SEM1: variants seen among roughly 807,000 people sequenced by gnomAD.
SEM1 encodes the protein 26S proteasome complex subunit SEM1.
In SEM1, 3 loss-of-function variants were observed where a neutral mutation model predicts 12.7. The ratio of observed to expected loss-of-function variants is 0.24; its 90% confidence interval spans 0.11 to 0.61. The LOEUF (loss-of-function observed/expected upper bound fraction) is 0.61, where lower values mean the gene tolerates loss of function less well. Among genes scored for constraint, SEM1 ranks in the 20% least tolerant of loss-of-function variants. The probability of loss-of-function intolerance (pLI) is 0.88; values close to 1 mark genes in which losing one functional copy is unlikely to be tolerated. For missense variants in SEM1, 59 were observed against 81.3 expected (o/e 0.73, Z 1.06); for synonymous variants, 30 against 27.8 (o/e 1.08, Z -0.25).
chr7:96,658,714 ATCT>A (rs1809266044), intron 2 of SEM1, among the ~76,000 whole-genome samples: 1 of 152,176 alleles, frequency 6.6e-6, no homozygotes, highest in African/African-American at 2.4e-5. Context: ...GACTTCTGCA[ATCT>A]TTGGGGCTAC....
chr7:96,687,506 C>A (rs1408448833), downstream of SEM1, among the ~76,000 whole-genome samples: 31 of 151,884 alleles, frequency 2.0e-4, 1 homozygote, highest in Non-Finnish European at 2.9e-5. Context: ...AATTGGAAAT[C>A]ATCATTCTCA....
chr7:96,497,680 C>A (rs1205332109), upstream of SEM1, among the ~76,000 whole-genome samples: 2 of 152,118 alleles, frequency 1.3e-5, no homozygotes, highest in African/African-American at 4.8e-5. Context: ...AACTGGAAAA[C>A]TGGACAAAAA....
intron 2 of SEM1, among the ~76,000 whole-genome samples, chr7:96,690,832 G>T (rs1242908022): frequency 6.6e-6 from 1 of 152,088 alleles, no homozygotes; most frequent in Non-Finnish European, 1.5e-5. Flanking sequence ...GTGCAGTGGT[G>T]CCATCTCGGC....
At chr7:96,686,805 A>T (rs1039755215), downstream of SEM1, among the ~76,000 whole-genome samples, 4 of 152,222 alleles carry the variant, frequency 2.6e-5, no homozygotes, top group Non-Finnish European at 4.4e-5. Context: ...AATTAAACTA[A>T]AGAGCTTCTG....
At chr7:96,607,660 C>T (rs945129289) in intron 2 of SEM1, among the ~76,000 whole-genome samples, 27 of 152,172 alleles carry the variant, frequency 1.8e-4, no homozygotes, top group East Asian at 3.9e-4. Flanking sequence ...CAGCTGCCCA[C>T]AATTGGGCCC....
At chr7:96,661,167 G>A (rs1788989280) in intron 2 of SEM1, among the ~76,000 whole-genome samples, 1 of 152,146 alleles carries the variant, frequency 6.6e-6, no homozygotes, top group Non-Finnish European at 1.5e-5. Flanking sequence ...GTAAATAGCA[G>A]GATTCACACC....
chr7:96,552,366 G>A (rs1805310882), intron 2 of SEM1, among the ~76,000 whole-genome samples: 1 of 151,940 alleles, frequency 6.6e-6, no homozygotes, highest in South Asian at 2.1e-4. Context: ...ACAGTCCCCA[G>A]AGTGTGATGT....
rs60940244 is a variant in SEM1 at position 96,615,241 on chromosome 7, C to CTTTTTTTTTTT, written c.170+79546_170+79556dup. 2.1e-3 allele frequency among the ~76,000 whole-genome samples: 268 copies of CTTTTTTTTTTT among 126,346 alleles called. 12 individuals carry two copies. The highest frequency in any genetic ancestry group is 8.1e-3 in the African/African-American group (256 of 31,444). The allele number at this position is 126,346 out of a possible 152,430, so 82.9% of individuals were successfully genotyped here. On this transcript the variant is annotated intron_variant and NMD_transcript_variant, in intron 2 of 3. Transcript: ENST00000466986. ...ACTGTTGGGTTATTTTTTGAGTCATCTTTTTTTTTTTTTTTTTTTTTTTTG... is the reference window on the plus strand; with the variant it reads ...ACTGTTGGGTTATTTTTTGAGTCATCTTTTTTTTTTTTTTTTTTTTTTTTTTTTTTTTTTTG...
At chr7:96,705,553 C>A (rs1041738624) in intron 1 of SEM1, among the ~76,000 whole-genome samples, 1 of 151,996 alleles carries the variant, frequency 6.6e-6, no homozygotes, top group Non-Finnish European at 1.5e-5. Context: ...TTAGGCTGGG[C>A]GCGGTGGCTC....
intron 2 of SEM1, among the ~76,000 whole-genome samples, chr7:96,641,137 G>A (rs1299896688): frequency 6.8e-6 from 1 of 148,062 alleles, no homozygotes; most frequent in African/African-American, 2.5e-5. Flanking sequence ...TAAAAATAGG[G>A]AGCCGAAAAA....
At chr7:96,573,773 G>A (rs1476587700) in intron 2 of SEM1, among the ~76,000 whole-genome samples, 1 of 152,022 alleles carries the variant, frequency 6.6e-6, no homozygotes, top group African/African-American at 2.4e-5. Flanking sequence ...GTATCTTTGT[G>A]GTGTTCTCTG....
intron 2 of SEM1, among the ~76,000 whole-genome samples, chr7:96,589,765 A>G (rs1806769603): frequency 6.6e-6 from 1 of 152,206 alleles, no homozygotes; most frequent in Non-Finnish European, 1.5e-5. Flanking sequence ...TTTTCCTATG[A>G]CAGTCCCAAT....
At chr7:96,486,346 C>A in exon 2 of SEM1, 5 of 1,536,988 alleles carry the variant, frequency 3.3e-6, no homozygotes, top group Non-Finnish European at 4.4e-6. Flanking sequence ...TGGGTCTCCT[C>A]CCCCTTTTTA....
chr7:96,662,343 G>GA (rs890648723), intron 2 of SEM1, among the ~76,000 whole-genome samples: 5 of 152,124 alleles, frequency 3.3e-5, no homozygotes, highest in African/African-American at 7.2e-5. Context: ...TATGCAGCCA[G>GA]AAAAAATGAG....
intron 2 of SEM1, among the ~76,000 whole-genome samples, chr7:96,638,683 A>G (rs1002286422): frequency 1.3e-5 from 2 of 151,950 alleles, no homozygotes; most frequent in Non-Finnish European, 2.9e-5. Flanking sequence ...AATATTCTTT[A>G]TAATATTAAG....
chr7:96,503,245 A>G (rs948710683), intron 3 of SEM1, among the ~76,000 whole-genome samples: 1 of 152,102 alleles, frequency 6.6e-6, no homozygotes, highest in South Asian at 2.1e-4. Context: ...ATCAATCTAT[A>G]TGCTGTTCTG....
chr7:96,569,935 G>A (rs553633548), intron 2 of SEM1, among the ~76,000 whole-genome samples: 1 of 152,008 alleles, frequency 6.6e-6, no homozygotes, highest in South Asian at 2.1e-4. Context: ...AATTATCGTT[G>A]ATGGAAACTT....
In SEM1 at chr7:96,571,056, T is replaced by C. The variant is rs562771073; in HGVS notation, c.171-64358A>G. ...GTTTGCCCACTTTTTGATGGGGTTG[T>C]TATTTTCTTGTAAATTTGTTTAAGT... On this transcript the variant is annotated intron_variant and NMD_transcript_variant, in intron 2 of 3. Coordinates refer to the SEM1 transcript ENST00000466986. Among the ~76,000 whole-genome samples, 39 of 152,214 alleles carry C rather than the reference T, an allele frequency of 2.6e-4. No individual in the cohort carries two copies. In the South Asian group the frequency reaches 7.9e-3, roughly 31 times the overall value.
intron 2 of SEM1, among the ~76,000 whole-genome samples, chr7:96,562,495 G>C (rs554163634): frequency 6.6e-6 from 1 of 152,312 alleles, no homozygotes; most frequent in African/African-American, 2.4e-5. Context: ...ATCACCCACT[G>C]TATGATAAGC....
Sources: allele counts gnomAD v4.1 joint callset (sites outside exome capture counted in the v4.1 genomes callset), GRCh38; gene constraint gnomAD v4.1.1; transcripts MANE v1.5; gene names NCBI Gene and HGNC (gene_info 2026-07-23, HGNC 2026-07-21).